ZBTB20: variants seen among roughly 807,000 people sequenced by gnomAD.
The protein encoded by ZBTB20 is zinc finger and BTB domain containing 20.
A neutral mutation model predicts 56.9 loss-of-function variants in ZBTB20; 9 were observed. That is an observed-to-expected ratio of 0.16 (90% confidence interval 0.10 to 0.28). The LOEUF (loss-of-function observed/expected upper bound fraction) is 0.28. Ranked by LOEUF, ZBTB20 falls within the 10% of genes least tolerant of loss-of-function variation. The probability of loss-of-function intolerance (pLI) is 1.00; values close to 1 mark genes in which losing one functional copy is unlikely to be tolerated. For synonymous variants in ZBTB20, 417 were observed against 420.7 expected, an observed-to-expected ratio of 0.99 and a Z score of 0.11; for missense variants, 655 against 1,003.0, an observed-to-expected ratio of 0.65 and a Z score of 4.69.
chr3:114,982,402 T>C (rs1374049459), intron 2 of ZBTB20, among the ~76,000 whole-genome samples: 3 of 152,088 alleles, frequency 2.0e-5, no homozygotes, highest in African/African-American at 7.2e-5. Context: ...TCTTGAAATA[T>C]CCTCTTGGCA....
chr3:114,814,717 C>T (rs930544280), intron 4 of ZBTB20, among the ~76,000 whole-genome samples: 1 of 152,172 alleles, frequency 6.6e-6, no homozygotes, highest in African/African-American at 2.4e-5. Flanking sequence ...TGGAACAACA[C>T]CAACCATTTT....
intron 4 of ZBTB20, among the ~76,000 whole-genome samples, chr3:114,822,685 A>G (rs997434586): frequency 6.6e-6 from 1 of 152,008 alleles, no homozygotes; most frequent in African/African-American, 2.4e-5. Context: ...ATGAATGTGA[A>G]AATATGTTAC....
At chr3:114,538,484 T>C (rs1241988566) in intron 6 of ZBTB20, among the ~76,000 whole-genome samples, 3 of 152,182 alleles carry the variant, frequency 2.0e-5, no homozygotes, top group Admixed American at 6.6e-5. Flanking sequence ...AATTTTCATT[T>C]GACATACTGC....
intron 4 of ZBTB20, among the ~76,000 whole-genome samples, chr3:114,862,397 T>C (rs917980350): frequency 1.5e-5 from 2 of 135,882 alleles, no homozygotes; most frequent in Admixed American, 7.2e-5. Context: ...ATACCTAAAA[T>C]GGCATCTGTT....
intron 1 of ZBTB20, among the ~76,000 whole-genome samples, chr3:115,125,346 T>C (rs370059732): frequency 8.2e-6 from 1 of 121,416 alleles, no homozygotes; most frequent in Non-Finnish European, 1.9e-5. Flanking sequence ...CTGCCTCAAA[T>C]AAAAAAAAAA....
chr3:115,089,874 C>T (rs750935513), intron 1 of ZBTB20, among the ~76,000 whole-genome samples: 3 of 151,724 alleles, frequency 2.0e-5, no homozygotes, highest in Non-Finnish European at 2.9e-5. Context: ...CTAAACTTTT[C>T]TTATATAGCA....
chr3:114,727,432 A>G (rs2065389677), intron 5 of ZBTB20, among the ~76,000 whole-genome samples: 1 of 152,234 alleles, frequency 6.6e-6, no homozygotes, highest in African/African-American at 2.4e-5. Flanking sequence ...TTCAAAAGGC[A>G]GTCAGAAGCA....
At chr3:114,635,799 A>G (rs2059232223) in intron 6 of ZBTB20, among the ~76,000 whole-genome samples, 1 of 152,072 alleles carries the variant, frequency 6.6e-6, no homozygotes, top group Admixed American at 6.6e-5. Flanking sequence ...AGCCTAAGTG[A>G]CTTATGGGAC....
intron 6 of ZBTB20, among the ~76,000 whole-genome samples, chr3:114,691,183 G>C (rs2062677483): frequency 6.6e-6 from 1 of 152,002 alleles, no homozygotes; most frequent in African/African-American, 2.4e-5. Flanking sequence ...TATGATGTCA[G>C]GATACTATGA....
chr3:114,644,180 A>G (rs2059711944), intron 6 of ZBTB20, among the ~76,000 whole-genome samples: 1 of 152,120 alleles, frequency 6.6e-6, no homozygotes, highest in Non-Finnish European at 1.5e-5. Context: ...TTAGAATCAT[A>G]AAAAACAAAA....
intron 7 of ZBTB20, among the ~76,000 whole-genome samples, chr3:114,482,158 A>G (rs2041628831): frequency 1.3e-5 from 2 of 152,168 alleles, no homozygotes; most frequent in East Asian, 3.9e-4. Context: ...AAGGGCCCAG[A>G]GCAAGGAAGA....
intron 4 of ZBTB20, among the ~76,000 whole-genome samples, chr3:114,887,379 C>A (rs1353675731): frequency 2.6e-5 from 4 of 152,154 alleles, no homozygotes; most frequent in African/African-American, 9.7e-5. Context: ...TTCATGTTCA[C>A]CTGGAACCTC....
At chr3:115,087,546 G>A (rs940180379) in intron 1 of ZBTB20, among the ~76,000 whole-genome samples, 2 of 151,852 alleles carry the variant, frequency 1.3e-5, no homozygotes, top group Non-Finnish European at 2.9e-5. Context: ...GAAAGAAAAC[G>A]TGAGTAGGGA....
At chr3:115,031,894 G>C (rs1051427101) in intron 2 of ZBTB20, among the ~76,000 whole-genome samples, 5 of 151,388 alleles carry the variant, frequency 3.3e-5, no homozygotes, top group African/African-American at 1.2e-4. Context: ...ATAAGTTTTA[G>C]AGGTCACTAG....
At chr3:114,566,306 C>T (rs1691119203) in intron 6 of ZBTB20, among the ~76,000 whole-genome samples, 1 of 152,174 alleles carries the variant, frequency 6.6e-6, no homozygotes, top group African/African-American at 2.4e-5. Context: ...GTTTCCCTCA[C>T]AGTGCGGTAA....
chr3:114,951,714 C>T (rs1434962598), intron 3 of ZBTB20, among the ~76,000 whole-genome samples: 2 of 152,022 alleles, frequency 1.3e-5, no homozygotes, highest in Non-Finnish European at 2.9e-5. Flanking sequence ...AATCTCATAA[C>T]ATGATATTAA....
At chr3:115,123,875 T>C (rs2084251080) in intron 1 of ZBTB20, among the ~76,000 whole-genome samples, 1 of 152,202 alleles carries the variant, frequency 6.6e-6, no homozygotes, top group South Asian at 2.1e-4. Flanking sequence ...AAAAAGTTAG[T>C]TCTGTTTAAG....
At chr3:115,144,251 T>C (rs563894323) in intron 1 of ZBTB20, among the ~76,000 whole-genome samples, 16 of 152,292 alleles carry the variant, frequency 1.1e-4, no homozygotes, top group Admixed American at 8.5e-4. Flanking sequence ...AACTTAGCTG[T>C]AGCTTTTATT....
intron 5 of ZBTB20, among the ~76,000 whole-genome samples, chr3:114,798,631 C>A (rs1377918145): frequency 6.6e-6 from 1 of 151,982 alleles, no homozygotes; most frequent in African/African-American, 2.4e-5. Flanking sequence ...GTGCCCTACC[C>A]TGTGCCTCAA....
Sources: allele counts gnomAD v4.1 joint callset (sites outside exome capture counted in the v4.1 genomes callset), GRCh38; gene constraint gnomAD v4.1.1; transcripts MANE v1.5; gene names NCBI Gene and HGNC (gene_info 2026-07-23, HGNC 2026-07-21).